TAOK3: variants seen among roughly 807,000 people sequenced by gnomAD.
TAOK3 encodes the protein TAO kinase 3, also known as serine/threonine-protein kinase TAO3.
In TAOK3, 40 loss-of-function variants were observed where a neutral mutation model predicts 120.4. The observed-to-expected ratio is 0.33, with a 90% CI of 0.26 to 0.43. The LOEUF (loss-of-function observed/expected upper bound fraction) is 0.43, where lower values mean the gene tolerates loss of function less well. Among genes scored for constraint, TAOK3 ranks in the 20% least tolerant of loss-of-function variants. The pLI is 1.00. For synonymous variants in TAOK3, 355 were observed against 387.5 expected, an observed-to-expected ratio of 0.92 and a Z score of 0.99; for missense variants, 821 against 1,112.1, an observed-to-expected ratio of 0.74 and a Z score of 3.72.
At chr12:118,201,251 A>G (rs765323025) in intron 12 of TAOK3, 45 bp downstream of exon 12, 2 of 1,553,112 alleles carry the variant, frequency 1.3e-6, no homozygotes, top group Admixed American at 3.8e-5. Flanking sequence ...ACTTTTTCAC[A>G]TAGTGGGCAT....
chr12:118,342,954 AAAAAG>A (rs1217866626), intron 1 of TAOK3, among the ~76,000 whole-genome samples: 21 of 142,058 alleles, frequency 1.5e-4, no homozygotes, highest in African/African-American at 6.1e-4. Flanking sequence ...AAAAAAAAAA[AAAAAG>A]AGAGAGAGAG....
At chr12:118,339,992 C>T (rs1398132476) in intron 1 of TAOK3, among the ~76,000 whole-genome samples, 2 of 152,130 alleles carry the variant, frequency 1.3e-5, no homozygotes, top group African/African-American at 2.4e-5. Flanking sequence ...CACCAAAAAA[C>T]GATCACTTCC....
At chr12:118,347,643 T>A (rs1027357712) in intron 1 of TAOK3, among the ~76,000 whole-genome samples, 2 of 152,202 alleles carry the variant, frequency 1.3e-5, no homozygotes, top group African/African-American at 4.8e-5. Context: ...CCAACCCACC[T>A]CTTCTGGCTT....
intron 3 of TAOK3, among the ~76,000 whole-genome samples, chr12:118,247,511 G>A (rs940657611): frequency 1.3e-5 from 2 of 150,172 alleles, no homozygotes; most frequent in African/African-American, 4.9e-5. Context: ...ACATACATAC[G>A]TACATACTTT....
chr12:118,288,100 A>C (rs966499889), intron 1 of TAOK3, among the ~76,000 whole-genome samples: 4 of 151,846 alleles, frequency 2.6e-5, no homozygotes, highest in African/African-American at 9.7e-5. Context: ...GACAAACAAA[A>C]TTTCTCCTGT....
At chr12:118,294,429 A>G (rs1313921979) in intron 1 of TAOK3, among the ~76,000 whole-genome samples, 1 of 150,880 alleles carries the variant, frequency 6.6e-6, no homozygotes, top group Non-Finnish European at 1.5e-5. Flanking sequence ...TGTGGCCCAG[A>G]CTGGAGTGCA....
intron 1 of TAOK3, among the ~76,000 whole-genome samples, chr12:118,270,260 T>C (rs1284621680): frequency 6.6e-6 from 1 of 152,230 alleles, no homozygotes; most frequent in Non-Finnish European, 1.5e-5. Flanking sequence ...TTCTGCTTCC[T>C]GTTTTTCCAT....
rs149673204 is a variant in TAOK3 at position 118,256,989 on chromosome 12, G to A, written c.-88-1334C>T. Among the ~76,000 whole-genome samples, 8 of 152,198 alleles carry A rather than the reference G, an allele frequency of 5.3e-5. No individual in the cohort carries two copies. In the East Asian group the frequency reaches 9.6e-4, roughly 18 times the overall value. ...TAATAACGGTTGGTATTTATTAATC[G>A]ATACTATGCGCCAGGCAGCACTAAA... is the stretch of plus-strand genomic sequence containing the variant. On this transcript the variant is annotated intron_variant, in intron 2 of 20. Transcript: ENST00000392533.
intron 17 of TAOK3, among the ~76,000 whole-genome samples, chr12:118,171,480 C>T (rs1220122458): frequency 6.6e-6 from 1 of 152,184 alleles, no homozygotes; most frequent in Admixed American, 6.5e-5. Context: ...CCTCAGTCTC[C>T]TGAGTAGCTG....
intron 7 of TAOK3, chr12:118,235,963 C>T (rs919686685): frequency 3.8e-6 from 1 of 266,540 alleles, no homozygotes; most frequent in African/African-American, 2.2e-5. Context: ...ACAAGAAAAC[C>T]TATTCAGCTG....
intron 17 of TAOK3, among the ~76,000 whole-genome samples, chr12:118,171,818 T>C (rs1479681062): frequency 3.3e-5 from 5 of 152,230 alleles, no homozygotes; most frequent in Non-Finnish European, 7.3e-5. Flanking sequence ...CGCCACTCTA[T>C]ATACACAGAA....
chr12:118,241,334 CT>C, intron 5 of TAOK3, among the ~76,000 whole-genome samples: 1 of 152,088 alleles, frequency 6.6e-6, no homozygotes, highest in East Asian at 1.9e-4. Flanking sequence ...ATGTGCCCTA[CT>C]TTTTCTTTAA....
At chr12:118,347,492 G>C (rs2141184538) in intron 1 of TAOK3, among the ~76,000 whole-genome samples, 1 of 152,240 alleles carries the variant, frequency 6.6e-6, no homozygotes, top group East Asian at 1.9e-4. Flanking sequence ...AAGATGCTCT[G>C]GCAACTCACT....
chr12:118,197,682 C>CTTT (rs67635506), intron 13 of TAOK3, among the ~76,000 whole-genome samples: 1,145 of 90,698 alleles, frequency 0.013, 5 homozygotes, highest in Non-Finnish European at 0.015. Context: ...GCAAAACCTT[C>CTTT]TTTTTTTTTT....
chr12:118,334,080 A>G (rs1020994730), intron 1 of TAOK3, among the ~76,000 whole-genome samples: 1 of 149,544 alleles, frequency 6.7e-6, no homozygotes, highest in Non-Finnish European at 1.5e-5. Flanking sequence ...GGTTGCAGTG[A>G]GCCGAGATTG....
chr12:118,222,348 C>T (rs2039277250), intron 9 of TAOK3, among the ~76,000 whole-genome samples: 1 of 152,060 alleles, frequency 6.6e-6, no homozygotes, highest in South Asian at 2.1e-4. Context: ...TCCTTGCTAA[C>T]AGGGTGAAAC....
At chr12:118,293,419 C>T (rs1292166880) in intron 1 of TAOK3, among the ~76,000 whole-genome samples, 1 of 152,148 alleles carries the variant, frequency 6.6e-6, no homozygotes, top group African/African-American at 2.4e-5. Context: ...TGGCTCACGC[C>T]TGTAATCCCA....
At chr12:118,208,565 A>G (rs557020098) in intron 11 of TAOK3, among the ~76,000 whole-genome samples, 8 of 152,328 alleles carry the variant, frequency 5.3e-5, no homozygotes, top group Admixed American at 5.2e-4. Context: ...TGATCTGACA[A>G]AGTTCAAAAA....
intron 1 of TAOK3, among the ~76,000 whole-genome samples, chr12:118,321,258 A>G (rs2043692833): frequency 6.6e-6 from 1 of 152,084 alleles, no homozygotes; most frequent in Non-Finnish European, 1.5e-5. Flanking sequence ...ACACACAAAC[A>G]TACACACACA....
Sources: gnomAD v4.1 joint callset for allele counts (sites outside exome capture counted in the v4.1 genomes callset) on GRCh38, gnomAD v4.1.1 for gene constraint, MANE v1.5 for transcripts, NCBI Gene and HGNC (gene_info 2026-07-23, HGNC 2026-07-21) for gene names.